ADCY10: variants seen among roughly 807,000 people sequenced by gnomAD.
ADCY10 encodes adenylate cyclase type 10.
In ADCY10, 156 loss-of-function variants were observed where a neutral mutation model predicts 183.3. That is an observed-to-expected ratio of 0.85 (90% CI 0.75 to 0.97). ADCY10 has a LOEUF of 0.97. Among genes scored for constraint, ADCY10 ranks in the 50% least tolerant of loss-of-function variants. The pLI, the probability that ADCY10 is intolerant of heterozygous loss-of-function variation, is 0.00. For missense variants in ADCY10, 1,745 were observed against 1,934.3 expected (o/e 0.90, Z 1.84); for synonymous variants, 645 against 670.0 (o/e 0.96, Z 0.58).
Position 167,878,596 on chromosome 1 carries a change from A to G in ADCY10, c.1256T>C (p.Met419Thr). The G allele has an allele frequency of 1.9e-6, 3 of 1,614,192 alleles. No individual in the cohort carries two copies. Among genetic ancestry groups the G allele is most frequent in the Non-Finnish European group, 2.5e-6 (3 of 1,180,030 alleles). Residue 419 changes from methionine to threonine, a missense_variant, in exon 12 of 33, where the codon ATG (methionine) becomes ACG (threonine). Coordinates refer to ENST00000367851, the MANE Select transcript of ADCY10 (RefSeq NM_018417.6). Reference protein sequence around the residue: ...QKVNLAARMMMYYPGIVTCDS... With the variant: ...QKVNLAARMMTYYPGIVTCDS... ...GCAGGTCACAATTCCTGGGTAGTAC[A>G]TCATCATCCTGGCAGCTAAGTTGAC...
intron 30 of ADCY10, chr1:167,821,035 A>G (rs934460490): frequency 2.0e-5 from 3 of 152,220 alleles, no homozygotes; most frequent in African/African-American, 7.2e-5. Context: ...TAGTCTCATC[A>G]CAAACCTCTG....
chr1:167,888,464 G>T (rs1032016024), intron 8 of ADCY10, among the ~76,000 whole-genome samples: 10 of 151,518 alleles, frequency 6.6e-5, no homozygotes, highest in Admixed American at 6.6e-4. Flanking sequence ...TAGTTTTCAC[G>T]GTAGAGATCT....
At position 167,878,525 on chromosome 1, in the gene ADCY10, TAAAAAA is replaced by T. The variant is rs1448918220; in HGVS notation, c.1321_1326del (p.Phe441_Phe442del). ...TTCATAACTTTCTTTGGAAGCTCTT[TAAAAAA>T]GTACGCTGGTAGGTTGCTCCCATTG... On this transcript the variant is annotated inframe_deletion, in exon 12 of 33. Transcript: ENST00000367851. 15 of 1,614,158 alleles carry T rather than the reference TAAAAAA, an allele frequency of 9.3e-6. No individual in the cohort carries two copies. Among genetic ancestry groups the T allele is most frequent in the Non-Finnish European group, 1.3e-5 (15 of 1,180,030 alleles).
intron 13 of ADCY10, among the ~76,000 whole-genome samples, chr1:167,872,859 C>A (rs1667201297): frequency 6.6e-6 from 1 of 151,126 alleles, no homozygotes; most frequent in Non-Finnish European, 1.5e-5. Flanking sequence ...ATCACGAGAT[C>A]AGGAGTTCAA....
rs182048410 is a variant in ADCY10 at position 167,827,605 on chromosome 1, T to C, written c.3750+1662A>G. 6.6e-3 allele frequency among the ~76,000 whole-genome samples: 1,004 copies of C among 152,246 alleles called. 8 individuals carry two copies. Among genetic ancestry groups the C allele is most frequent in the Non-Finnish European group, 9.9e-3 (670 of 68,014 alleles). On this transcript the variant is annotated intron_variant, in intron 26 of 32. Coordinates refer to ENST00000367851, the MANE Select transcript of ADCY10 (RefSeq NM_018417.6). Reference sequence around the variant, plus strand: ...CTTCTTTGGTTATGACCTAGACTAGTGGTTCTCCCAATTCATCCTGGGAGC... The same window carrying C: ...CTTCTTTGGTTATGACCTAGACTAGCGGTTCTCCCAATTCATCCTGGGAGC...
chr1:167,890,160 G>A (rs1208220560), intron 8 of ADCY10, among the ~76,000 whole-genome samples: 1 of 151,988 alleles, frequency 6.6e-6, no homozygotes, highest in Non-Finnish European at 1.5e-5. Flanking sequence ...GGTATTTATT[G>A]TAGTCTTTGA....
intron 28 of ADCY10, among the ~76,000 whole-genome samples, chr1:167,824,142 GA>G (rs1663104516): frequency 6.6e-6 from 1 of 152,314 alleles, no homozygotes; most frequent in East Asian, 1.9e-4. Flanking sequence ...CCAACAGGGT[GA>G]AACCCCCTCT....
At chr1:167,835,275 C>T (rs1664113204) in intron 23 of ADCY10, among the ~76,000 whole-genome samples, 1 of 152,180 alleles carries the variant, frequency 6.6e-6, no homozygotes, top group South Asian at 2.1e-4. Context: ...TTCAGCCTAG[C>T]CTGGCCTTTA....
At chr1:167,812,915 C>G (rs1032659944) in intron 31 of ADCY10, among the ~76,000 whole-genome samples, 1 of 151,692 alleles carries the variant, frequency 6.6e-6, no homozygotes, top group Non-Finnish European at 1.5e-5. Context: ...AAACAGGGAG[C>G]AGACTTGAAG....
chr1:167,812,017 C>T (rs372020068), intron 31 of ADCY10, among the ~76,000 whole-genome samples: 2 of 152,350 alleles, frequency 1.3e-5, no homozygotes, highest in East Asian at 3.9e-4. Flanking sequence ...GCTCTTAGCA[C>T]AGCTGCCTGT....
chr1:167,878,523 T>C lies in ADCY10; in HGVS notation c.1329A>G (p.Lys443=), dbSNP rs561027679. 1.2e-6 allele frequency: 2 copies of C among 1,614,188 alleles called. No individual in the cohort carries two copies. The highest frequency in any genetic ancestry group is 1.3e-5 in the African/African-American group (1 of 75,054). ...CTTTCATAACTTTCTTTGGAAGCTCTTTAAAAAAGTACGCTGGTAGGTTGC... is the reference window on the plus strand; with the variant it reads ...CTTTCATAACTTTCTTTGGAAGCTCCTTAAAAAAGTACGCTGGTAGGTTGC... ...NGSNLPAYFF[K]ELPKKVMKGV... is the part of the protein sequence containing the mutation. Residue 443 remains lysine (K), a synonymous_variant, in exon 12 of 33, where the codon AAA becomes AAG. Coordinates refer to ENST00000367851, the MANE Select transcript of ADCY10 (RefSeq NM_018417.6).
chr1:167,891,011 G>C (rs1406639477), intron 8 of ADCY10, among the ~76,000 whole-genome samples: 1 of 152,044 alleles, frequency 6.6e-6, no homozygotes, highest in African/African-American at 2.4e-5. Context: ...ACCCAGGCTG[G>C]AGTGCAGTGG....
intron 25 of ADCY10, among the ~76,000 whole-genome samples, chr1:167,830,514 C>T (rs1663642948): frequency 6.6e-6 from 1 of 152,126 alleles, no homozygotes; most frequent in Admixed American, 6.6e-5. Context: ...TCCTCAGCCT[C>T]CCCAGTAGCT....
chr1:167,892,237 G>T (rs553515707), intron 8 of ADCY10, among the ~76,000 whole-genome samples: 2 of 152,310 alleles, frequency 1.3e-5, no homozygotes, highest in African/African-American at 2.4e-5. Context: ...TTCCCAAAGT[G>T]CTGGGATTAC....
intron 8 of ADCY10, among the ~76,000 whole-genome samples, chr1:167,884,028 G>T (rs910769097): frequency 1.3e-5 from 2 of 152,096 alleles, no homozygotes; most frequent in African/African-American, 4.8e-5. Context: ...TTTGATACAG[G>T]CATGCAATGC....
intron 14 of ADCY10, among the ~76,000 whole-genome samples, chr1:167,865,437 A>T (rs1428626954): frequency 6.6e-6 from 1 of 152,254 alleles, no homozygotes; most frequent in Admixed American, 6.5e-5. Context: ...AAGGTTAAAA[A>T]GAGTCTGTAA....
chr1:167,848,505 A>T lies in ADCY10; in HGVS notation c.2309-16T>A, dbSNP rs772683002. The T allele has an allele frequency of 6.2e-7, 1 of 1,613,216 alleles. No homozygotes were observed. Among genetic ancestry groups the T allele is most frequent in the Admixed American group, 1.7e-5 (1 of 60,010 alleles). On this transcript the variant is annotated splice_polypyrimidine_tract_variant and intron_variant, in intron 18 of 32. Transcript: ENST00000367851. ...ATGGAATACTCTACAGGGGTATAAA[A>T]GGGAAGAAAAGTTGAGTCATTATCC...
intron 7 of ADCY10, 34 bp downstream of exon 7, chr1:167,896,561 G>A (rs748087023): frequency 6.5e-7 from 1 of 1,528,408 alleles, no homozygotes; most frequent in Non-Finnish European, 9.1e-7. Context: ...ACCACTGGTA[G>A]AGGCAAAGGC....
intron 16 of ADCY10, 67 bp from the exon 17 acceptor site, chr1:167,856,506 G>A: frequency 4.1e-6 from 6 of 1,471,626 alleles, no homozygotes; most frequent in Admixed American, 3.4e-5. Flanking sequence ...ACATGTATGG[G>A]TATGCATATG....
Sources: allele counts gnomAD v4.1 joint callset (sites outside exome capture counted in the v4.1 genomes callset), GRCh38; gene constraint gnomAD v4.1.1; transcripts MANE v1.5; gene names NCBI Gene and HGNC (gene_info 2026-07-23, HGNC 2026-07-21).